SCAF8: variants seen among roughly 807,000 people sequenced by gnomAD.
SCAF8 encodes the protein SR-related and CTD-associated factor 8.
Under a neutral mutation model 140.5 loss-of-function variants are expected in SCAF8, and 23 were observed. The ratio of observed to expected loss-of-function variants is 0.16; its 90% CI spans 0.12 to 0.23. The LOEUF (loss-of-function observed/expected upper bound fraction) is 0.23, where lower values mean the gene tolerates loss of function less well. Ranked by LOEUF, SCAF8 falls within the 10% of genes least tolerant of loss-of-function variation. The pLI, the probability that SCAF8 is intolerant of heterozygous loss-of-function variation, is 1.00. For missense variants in SCAF8, 1,397 were observed against 1,555.7 expected (o/e 0.90, Z 1.72); for synonymous variants, 575 against 528.9 (o/e 1.09, Z -1.20).
At chr6:154,759,409 AATAG>A (rs1169292380) in intron 1 of SCAF8, among the ~76,000 whole-genome samples, 1 of 152,316 alleles carries the variant, frequency 6.6e-6, no homozygotes, top group East Asian at 1.9e-4. Context: ...AAGTTTCAAA[AATAG>A]ATCTCTTCTT....
intron 1 of SCAF8, among the ~76,000 whole-genome samples, chr6:154,754,523 C>T (rs1321332514): frequency 6.6e-6 from 1 of 152,150 alleles, no homozygotes. Context: ...TAATTTTATA[C>T]GTTTATAAAA....
chr6:154,760,293 C>T (rs906435149), intron 1 of SCAF8, among the ~76,000 whole-genome samples: 12 of 152,142 alleles, frequency 7.9e-5, no homozygotes, highest in Non-Finnish European at 1.3e-4. Flanking sequence ...GACTCTGTCT[C>T]TAAATAGATA....
chr6:154,783,112 T>C (rs1562443490), intron 3 of SCAF8, among the ~76,000 whole-genome samples: 1 of 152,218 alleles, frequency 6.6e-6, no homozygotes, highest in Non-Finnish European at 1.5e-5. Context: ...TTTGGTGACT[T>C]TTCTACCATC....
At chr6:154,812,300 T>C (rs1352938595) in intron 12 of SCAF8, among the ~76,000 whole-genome samples, 2 of 150,206 alleles carry the variant, frequency 1.3e-5, no homozygotes, top group African/African-American at 4.9e-5. Flanking sequence ...AGCTTTTTTT[T>C]TTTTTTTTTT....
At position 154,832,423 on chromosome 6, in the gene SCAF8, C is replaced by T; in HGVS notation, c.2844C>T (p.Pro948=). The change falls in exon 20 of 20, where the codon CCC becomes CCT. Residue 948 remains proline, a synonymous_variant. Transcript: ENST00000367178. Reference sequence around the variant, plus strand: ...CTTTAATACAGCCTGGAATTCCACCCCAACGGGGAATCCCACCCCCATCGG... The same window carrying T: ...CTTTAATACAGCCTGGAATTCCACCTCAACGGGGAATCCCACCCCCATCGG... ...RFPLIQPGIP[P]QRGIPPPSVL... The T allele has an allele frequency of 6.2e-7, 1 of 1,614,166 alleles. No homozygotes were observed. Among genetic ancestry groups the T allele is most frequent in the South Asian group, 1.1e-5 (1 of 91,084 alleles).
chr6:154,814,530 G>C (rs1430767671), intron 12 of SCAF8, among the ~76,000 whole-genome samples: 1 of 152,144 alleles, frequency 6.6e-6, no homozygotes, highest in African/African-American at 2.4e-5. Flanking sequence ...GGAGAGACCT[G>C]GTTGAAAAGC....
At chr6:154,742,734 T>C (rs1484251306) in intron 1 of SCAF8, among the ~76,000 whole-genome samples, 1 of 102,366 alleles carries the variant, frequency 9.8e-6, no homozygotes, top group Non-Finnish European at 1.8e-5. Flanking sequence ...TCAGTAACTT[T>C]GACATTTCTT....
intron 4 of SCAF8, among the ~76,000 whole-genome samples, chr6:154,791,769 C>T (rs776583030): frequency 1.3e-5 from 2 of 151,934 alleles, no homozygotes; most frequent in South Asian, 4.1e-4. Flanking sequence ...ACAAAAAATA[C>T]AAAGAACTCT....
At chr6:154,738,395 C>G (rs889660073) in intron 1 of SCAF8, among the ~76,000 whole-genome samples, 2 of 152,098 alleles carry the variant, frequency 1.3e-5, no homozygotes, top group Non-Finnish European at 2.9e-5. Flanking sequence ...TCAGAAGATC[C>G]TTTAATTGTG....
At chr6:154,785,251 G>A (rs565092214) in intron 3 of SCAF8, among the ~76,000 whole-genome samples, 1 of 152,198 alleles carries the variant, frequency 6.6e-6, no homozygotes, top group African/African-American at 2.4e-5. Context: ...TGTTGACATT[G>A]TGTGTGTTTT....
At chr6:154,737,368 T>G (rs1457172226) in intron 1 of SCAF8, among the ~76,000 whole-genome samples, 1 of 152,218 alleles carries the variant, frequency 6.6e-6, no homozygotes, top group African/African-American at 2.4e-5. Context: ...GATATTTTGA[T>G]ACTTCACCTT....
At chr6:154,742,003 G>A in intron 1 of SCAF8, 1 of 1,532,998 alleles carries the variant, frequency 6.5e-7, no homozygotes, top group Non-Finnish European at 8.7e-7. Context: ...CCAGCAGCAT[G>A]GACACAAGAA....
At chr6:154,734,895 C>T (rs1007755404) in intron 1 of SCAF8, among the ~76,000 whole-genome samples, 1 of 152,110 alleles carries the variant, frequency 6.6e-6, no homozygotes, top group Non-Finnish European at 1.5e-5. Flanking sequence ...GAGGCCGAGG[C>T]GGGCCAATCA....
chr6:154,794,763 G>GC (rs1777538602), intron 5 of SCAF8, among the ~76,000 whole-genome samples: 1 of 85,752 alleles, frequency 1.2e-5, no homozygotes, highest in Non-Finnish European at 2.2e-5. Context: ...TTTTGGTGGG[G>GC]GGGGGGGGGT....
intron 1 of SCAF8, among the ~76,000 whole-genome samples, chr6:154,757,455 T>C (rs771538211): frequency 6.6e-6 from 1 of 152,242 alleles, no homozygotes. Context: ...TAATCTGCTC[T>C]GTTCAAGTGA....
In SCAF8 at chr6:154,832,074, C is replaced by G. The variant is rs765210566; in HGVS notation, c.2495C>G (p.Ser832Cys). Reference sequence around the variant, plus strand: ...TCTGAAATTCTTGGGGTCCGGCCATCTAATGTTTCCAGTAGTTCTGGGATT... The same window carrying G: ...TCTGAAATTCTTGGGGTCCGGCCATGTAATGTTTCCAGTAGTTCTGGGATT... ...SNSEILGVRP[S>C]NVSSSSGIIA... The change falls in exon 20 of 20, where the codon TCT becomes TGT. Residue 832 changes from serine (S) to cysteine (C), a missense_variant. Ser to Cys is a moderately radical substitution (Grantham distance 112). Transcript: ENST00000367178. The G allele has an allele frequency of 6.2e-7, 1 of 1,614,116 alleles. No individual in the cohort carries two copies.
intron 1 of SCAF8, among the ~76,000 whole-genome samples, chr6:154,771,494 AAT>A (rs1776765804): frequency 6.6e-6 from 1 of 152,228 alleles, no homozygotes; most frequent in Non-Finnish European, 1.5e-5. Flanking sequence ...CAGGGCCTTA[AAT>A]ATACAGGTTT....
intron 1 of SCAF8, among the ~76,000 whole-genome samples, chr6:154,736,518 C>T (rs546025581): frequency 6.6e-6 from 1 of 151,890 alleles, no homozygotes; most frequent in Non-Finnish European, 1.5e-5. Context: ...GTGATCCACC[C>T]GGCTCGGCCT....
intron 3 of SCAF8, among the ~76,000 whole-genome samples, chr6:154,784,120 GATATATATATAT>G (rs72135986): frequency 0.016 from 1,730 of 106,868 alleles, 74 homozygotes; most frequent in African/African-American, 0.049. Flanking sequence ...GGTGTCTTGA[GATATATATATAT>G]ATATATATAT....
Sources: gnomAD v4.1 joint callset for allele counts (sites outside exome capture counted in the v4.1 genomes callset) on GRCh38, gnomAD v4.1.1 for gene constraint, MANE v1.5 for transcripts, NCBI Gene and HGNC (gene_info 2026-07-23, HGNC 2026-07-21) for gene names.